The following RERE variants were observed in gnomAD, a reference collection of about 807,000 sequenced individuals.
RERE encodes arginine-glutamic acid dipeptide repeats.
RERE carries 40 observed loss-of-function variants against 146.1 expected under a neutral mutation model. That is an observed-to-expected ratio of 0.27 (90% CI 0.21 to 0.36). The LOEUF is 0.36. Among genes scored for constraint, RERE ranks in the 10% least tolerant of loss-of-function variants. The pLI is 1.00. For missense variants in RERE, 1,933 were observed against 2,138.7 expected (o/e 0.90, Z 1.90); for synonymous variants, 1,003 against 866.0 (o/e 1.16, Z -2.78).
intron 4 of RERE, among the ~76,000 whole-genome samples, chr1:8,592,535 G>A (rs1646508311): frequency 6.6e-6 from 1 of 151,714 alleles, no homozygotes; most frequent in African/African-American, 2.4e-5. Context: ...GCCTCCCAAA[G>A]TGCTGGGATT....
chr1:8,764,631 T>C (rs1333630853), intron 1 of RERE, among the ~76,000 whole-genome samples: 2 of 151,984 alleles, frequency 1.3e-5, no homozygotes, highest in African/African-American at 4.8e-5. Context: ...AAGCAAGAGG[T>C]GACCAGGCTA....
At chr1:8,359,622 A>G (rs1641468443) in intron 19 of RERE, 142 bp downstream of exon 19, 1 of 908,280 alleles carries the variant, frequency 1.1e-6, no homozygotes, top group Non-Finnish European at 1.7e-6. Context: ...AGGTGTGGAG[A>G]CAGGGTGTAA....
intron 11 of RERE, among the ~76,000 whole-genome samples, chr1:8,453,505 G>A (rs2124080226): frequency 6.6e-6 from 1 of 152,240 alleles, no homozygotes; most frequent in East Asian, 1.9e-4. Context: ...CCAAACCTTT[G>A]CTTATCAAGA....
chr1:8,360,207 G>A lies in RERE; in HGVS notation c.3300C>T (p.Asp1100=), dbSNP rs200420131. 5.3e-5 allele frequency: 84 copies of A among 1,591,890 alleles called. No individual in the cohort carries two copies. The African/African-American group carries it at 6.0e-4, about 11-fold the overall frequency. ...TVQIKEEALD[D]AEEPESPPPP... The stretch of plus-strand genomic sequence containing the variant: ...GAGGGGGGCTCTCAGGCTCCTCAGC[G>A]TCGTCCAGAGCCTCCTCCTTGATCT... Residue 1100 remains aspartate (D), a synonymous_variant, in exon 18 of 23, where the codon GAC becomes GAT. Coordinates refer to ENST00000400908, the MANE Select transcript of RERE (RefSeq NM_001042681.2).
chr1:8,368,207 C>T (rs1047546371), intron 12 of RERE, among the ~76,000 whole-genome samples: 8 of 152,030 alleles, frequency 5.3e-5, no homozygotes, highest in Non-Finnish European at 2.9e-5. Context: ...CGGTGGCTCA[C>T]GCCTGTAATC....
At chr1:8,738,542 C>T (rs1640244225) in intron 1 of RERE, among the ~76,000 whole-genome samples, 1 of 152,014 alleles carries the variant, frequency 6.6e-6, no homozygotes, top group South Asian at 2.1e-4. Context: ...AAGCCTCTTC[C>T]CATTCCCCAC....
At chr1:8,639,186 T>A (rs1647143246) in intron 2 of RERE, among the ~76,000 whole-genome samples, 1 of 152,104 alleles carries the variant, frequency 6.6e-6, no homozygotes, top group African/African-American at 2.4e-5. Context: ...CGCTTAATCA[T>A]TACAGAAGCT....
At chr1:8,502,890 C>G (rs1474333891) in intron 8 of RERE, among the ~76,000 whole-genome samples, 2 of 150,690 alleles carry the variant, frequency 1.3e-5, no homozygotes, top group Non-Finnish European at 3.0e-5. Context: ...TTGAAGGCAG[C>G]GTGCTCGTTA....
At chr1:8,491,460 A>G (rs558191154) in intron 10 of RERE, among the ~76,000 whole-genome samples, 2 of 151,682 alleles carry the variant, frequency 1.3e-5, no homozygotes, top group African/African-American at 4.8e-5. Context: ...AACAAAACAA[A>G]ACAAGAAAAA....
At position 8,706,895 on chromosome 1, in the gene RERE, G is replaced by A. The variant is rs532449844; in HGVS notation, c.-144-50454C>T. Among the ~76,000 whole-genome samples, 9 of 152,212 alleles carry A rather than the reference G, an allele frequency of 5.9e-5. No individual in the cohort carries two copies. In the South Asian group the frequency reaches 1.5e-3, roughly 25 times the overall value. ...TTACAACAAAAACTATAATTTTTCA[G>A]GTGTTTTGCACATGACCACATGAAA... On this transcript the variant is annotated intron_variant, in intron 1 of 22. Coordinates refer to ENST00000400908, the MANE Select transcript of RERE (RefSeq NM_001042681.2).
At chr1:8,661,664 TGA>T (rs1418269928) in intron 1 of RERE, among the ~76,000 whole-genome samples, 1 of 151,206 alleles carries the variant, frequency 6.6e-6, no homozygotes, top group Non-Finnish European at 1.5e-5. Context: ...ACTTGAGAGG[TGA>T]GAGAGAGAGG....
At chr1:8,744,517 G>C (rs1351376820) in intron 1 of RERE, among the ~76,000 whole-genome samples, 3 of 152,176 alleles carry the variant, frequency 2.0e-5, no homozygotes, top group African/African-American at 7.2e-5. Context: ...CAATGTAACT[G>C]ATGGGTACAT....
intron 11 of RERE, among the ~76,000 whole-genome samples, chr1:8,448,116 T>C (rs1644344959): frequency 6.6e-6 from 1 of 152,164 alleles, no homozygotes; most frequent in Non-Finnish European, 1.5e-5. Flanking sequence ...CATCATCTTC[T>C]TGAGGTGGGG....
At chr1:8,587,853 A>G (rs902383616) in intron 4 of RERE, among the ~76,000 whole-genome samples, 5 of 152,174 alleles carry the variant, frequency 3.3e-5, no homozygotes, top group African/African-American at 9.7e-5. Flanking sequence ...CCACCTTAAA[A>G]GCTCGTACTT....
rs59647434 is a variant in RERE at position 8,669,024 on chromosome 1, C to CTGTGTGTGTGTG, written c.-144-12595_-144-12584dup. Among the ~76,000 whole-genome samples the CTGTGTGTGTGTG allele has an allele frequency of 2.7e-3, 118 of 43,822 alleles. 2 individuals carry two copies. Among genetic ancestry groups the CTGTGTGTGTGTG allele is most frequent in the Non-Finnish European group, 3.2e-3 (73 of 22,498 alleles). 28.7% of individuals were successfully genotyped at this position (43,822 alleles called of 152,430 possible). A position where few individuals can be genotyped will look rare whatever the true frequency, so the allele number is the denominator to read the frequency against. ...TGAATATTCTAAAATGCACTCAACTCTGTGTGTGTGTGTGTGTGTGTGTGT... is the reference window on the plus strand; with the variant it reads ...TGAATATTCTAAAATGCACTCAACTCTGTGTGTGTGTGTGTGTGTGTGTGTGTGTGTGTGTGT... On this transcript the variant is annotated intron_variant, in intron 1 of 22. Coordinates refer to ENST00000400908, the MANE Select transcript of RERE (RefSeq NM_001042681.2).
chr1:8,782,684 T>A (rs1641186769), intron 1 of RERE, among the ~76,000 whole-genome samples: 2 of 152,136 alleles, frequency 1.3e-5, no homozygotes, highest in African/African-American at 4.8e-5. Flanking sequence ...GGTGGGCAGA[T>A]CACTTGAGGT....
chr1:8,473,711 G>A (rs1402841075), intron 10 of RERE, among the ~76,000 whole-genome samples: 5 of 152,168 alleles, frequency 3.3e-5, no homozygotes, highest in Non-Finnish European at 7.4e-5. Context: ...GCCCTGTCCC[G>A]AACCAGTTGA....
chr1:8,648,450 T>C (rs1647432559), intron 2 of RERE, among the ~76,000 whole-genome samples: 1 of 152,194 alleles, frequency 6.6e-6, no homozygotes, highest in Non-Finnish European at 1.5e-5. Flanking sequence ...CAAGCTGGTC[T>C]TGAACTCCTG....
At chr1:8,713,301 TATTA>T (rs1246000778) in intron 1 of RERE, among the ~76,000 whole-genome samples, 1 of 152,228 alleles carries the variant, frequency 6.6e-6, no homozygotes, top group African/African-American at 2.4e-5. Flanking sequence ...ATTATACTAA[TATTA>T]ATTATTAAAA....
Sources: gnomAD v4.1 joint callset for allele counts (sites outside exome capture counted in the v4.1 genomes callset) on GRCh38, gnomAD v4.1.1 for gene constraint, MANE v1.5 for transcripts, NCBI Gene and HGNC (gene_info 2026-07-23, HGNC 2026-07-21) for gene names.